FRMPD4: variants seen among roughly 807,000 people sequenced by gnomAD.
FRMPD4 encodes the protein FERM and PDZ domain-containing protein 4.
A neutral mutation model predicts 94.1 loss-of-function variants in FRMPD4; 22 were observed. That is an observed-to-expected ratio of 0.23 (90% confidence interval 0.17 to 0.33). The LOEUF (loss-of-function observed/expected upper bound fraction) is 0.33, where lower values mean the gene tolerates loss of function less well. Ranked by LOEUF, FRMPD4 falls within the 10% of genes least tolerant of loss-of-function variation. The pLI, the probability that FRMPD4 is intolerant of heterozygous loss-of-function variation, is 1.00. For synonymous variants in FRMPD4, 631 were observed against 548.6 expected (o/e 1.15, Z -2.10); for missense variants, 1,111 against 1,339.9 (o/e 0.83, Z 2.67).
chrX:11,898,110 G>T (rs892351139), intron 3 of FRMPD4, among the ~76,000 whole-genome samples: 2 of 111,641 alleles, frequency 1.8e-5, no homozygotes, highest in African/African-American at 6.5e-5. Flanking sequence ...AGGTCCTCAT[G>T]ACTGAAAGGT....
intron 3 of FRMPD4, among the ~76,000 whole-genome samples, chrX:12,101,373 A>G (rs1348127010): frequency 9.0e-6 from 1 of 110,563 alleles, no homozygotes; most frequent in Admixed American, 9.6e-5. Flanking sequence ...TTTCCCCTCT[A>G]TTGAGGGTAA....
chrX:12,468,026 C>A (rs766634352), intron 1 of FRMPD4, among the ~76,000 whole-genome samples: 49 of 112,121 alleles, frequency 4.4e-4, no homozygotes, highest in African/African-American at 1.6e-3. Context: ...CATAGAGTAA[C>A]AAATGACAAT....
intron 2 of FRMPD4, among the ~76,000 whole-genome samples, chrX:11,873,007 T>C: frequency 8.9e-6 from 1 of 112,216 alleles, no homozygotes; most frequent in East Asian, 2.8e-4. Flanking sequence ...AGAAATTCCA[T>C]ATGACCCAGC....
intron 4 of FRMPD4, among the ~76,000 whole-genome samples, chrX:12,645,126 A>G (rs2059535407): frequency 9.0e-6 from 1 of 110,861 alleles, no homozygotes; most frequent in Admixed American, 9.6e-5. Context: ...TATTTTTAAT[A>G]TTGCTACCAT....
At chrX:11,822,644 G>A (rs1225433461) in exon 1 of FRMPD4, among the ~76,000 whole-genome samples, 1 of 112,338 alleles carries the variant, frequency 8.9e-6, no homozygotes, top group Admixed American at 9.4e-5. Context: ...ACCAGGGATG[G>A]CAGAATCTCC....
chrX:11,909,829 T>C (rs1474400078), intron 3 of FRMPD4, among the ~76,000 whole-genome samples: 1 of 110,865 alleles, frequency 9.0e-6, no homozygotes, highest in Non-Finnish European at 1.9e-5. Context: ...TCCAAATGTG[T>C]GAGAGATTTT....
chrX:12,553,894 C>T (rs914859983), intron 2 of FRMPD4, among the ~76,000 whole-genome samples: 1 of 111,890 alleles, frequency 8.9e-6, no homozygotes. Flanking sequence ...TAATTTATGA[C>T]CCACTCATAA....
chrX:12,521,848 A>C (rs1387842229), intron 2 of FRMPD4, among the ~76,000 whole-genome samples: 2 of 110,733 alleles, frequency 1.8e-5, no homozygotes, highest in Non-Finnish European at 1.9e-5. Flanking sequence ...AGGGAGAATA[A>C]AGTCAAGGAA....
chrX:12,199,417 G>A (rs1214951966), intron 1 of FRMPD4, among the ~76,000 whole-genome samples: 8 of 110,692 alleles, frequency 7.2e-5, no homozygotes, highest in African/African-American at 1.6e-4. Context: ...AAAACATCTC[G>A]TTTACTTGCC....
chrX:12,136,107 C>A (rs2055593593), upstream of FRMPD4, among the ~76,000 whole-genome samples: 1 of 111,415 alleles, frequency 9.0e-6, no homozygotes, highest in African/African-American at 3.3e-5. Flanking sequence ...ATGTAAGCCA[C>A]GAAGTCATAC....
intron 3 of FRMPD4, among the ~76,000 whole-genome samples, chrX:11,914,702 A>T (rs1044805590): frequency 3.6e-5 from 4 of 112,421 alleles, no homozygotes; most frequent in African/African-American, 1.3e-4. Context: ...AGAAAACAAA[A>T]CTTGAAGCAA....
At chrX:12,165,842 C>T (rs1248692871) in intron 1 of FRMPD4, among the ~76,000 whole-genome samples, 5 of 110,936 alleles carry the variant, frequency 4.5e-5, no homozygotes, top group African/African-American at 6.6e-5. Flanking sequence ...CATGATTTGG[C>T]TCTCTGTTTG....
chrX:12,142,733 C>T (rs1363137594), intron 1 of FRMPD4, among the ~76,000 whole-genome samples: 2 of 111,709 alleles, frequency 1.8e-5, no homozygotes, highest in African/African-American at 3.3e-5. Context: ...TCTAGTCGCT[C>T]GCAGTTCTGG....
intron 3 of FRMPD4, among the ~76,000 whole-genome samples, chrX:12,027,573 G>T (rs1265281958): frequency 1.8e-5 from 2 of 110,724 alleles, no homozygotes; most frequent in South Asian, 3.8e-4. Flanking sequence ...AAATAAATTT[G>T]CTGAGGTATA....
chrX:11,979,334 G>A (rs563413413), intron 3 of FRMPD4, among the ~76,000 whole-genome samples: 17 of 112,366 alleles, frequency 1.5e-4, no homozygotes, highest in East Asian at 5.6e-4. Flanking sequence ...ACAGTTAATA[G>A]ATGTTTGTTC....
chrX:11,891,227 C>T (rs2053871791), intron 3 of FRMPD4, among the ~76,000 whole-genome samples: 1 of 111,904 alleles, frequency 8.9e-6, no homozygotes, highest in Non-Finnish European at 1.9e-5. Context: ...ATGGATAAAG[C>T]TCATCCAAAA....
chrX:11,931,296 C>A (rs911450442), intron 3 of FRMPD4, among the ~76,000 whole-genome samples: 2 of 111,935 alleles, frequency 1.8e-5, no homozygotes, highest in African/African-American at 6.5e-5. Context: ...AAACAACCAC[C>A]TTTTTCTTCT....
chrX:12,110,006 T>C (rs762119525), intron 3 of FRMPD4, among the ~76,000 whole-genome samples: 332 of 111,945 alleles, frequency 3.0e-3, no homozygotes, highest in African/African-American at 0.01. Context: ...GAGGAGCTGG[T>C]ACCATTCCTT....
At chrX:12,023,594 G>A (rs1160119727) in intron 3 of FRMPD4, among the ~76,000 whole-genome samples, 1 of 111,718 alleles carries the variant, frequency 9.0e-6, no homozygotes, top group Admixed American at 9.5e-5. Context: ...TTTACTGATG[G>A]TGTCTTCATG....
Sources: gnomAD v4.1 joint callset for allele counts (sites outside exome capture counted in the v4.1 genomes callset) on GRCh38, gnomAD v4.1.1 for gene constraint, MANE v1.5 for transcripts, NCBI Gene and HGNC (gene_info 2026-07-23, HGNC 2026-07-21) for gene names.